Variants in SLC26A7 observed in about 807,000 individuals in gnomAD.
SLC26A7 encodes the protein solute carrier family 26 member 7, also known as anion exchange transporter.
SLC26A7 carries 59 observed loss-of-function variants against 82.5 expected under a neutral mutation model. The ratio of observed to expected loss-of-function variants is 0.72; its 90% confidence interval spans 0.58 to 0.89. SLC26A7 has a LOEUF of 0.89. SLC26A7 is among the 40% of genes least tolerant of loss of function. SLC26A7 has a pLI of 0.00. For synonymous variants in SLC26A7, 271 were observed against 274.3 expected (o/e 0.99, Z 0.12); for missense variants, 820 against 793.0 (o/e 1.03, Z -0.41).
chr8:91,386,004 C>A (rs1008986828), intron 15 of SLC26A7, among the ~76,000 whole-genome samples: 2 of 151,978 alleles, frequency 1.3e-5, no homozygotes, highest in Admixed American at 6.6e-5. Flanking sequence ...AGTTTTTGAT[C>A]AGCTAGTAGT....
At chr8:91,377,738 G>A (rs1814556275) in intron 15 of SLC26A7, among the ~76,000 whole-genome samples, 1 of 152,110 alleles carries the variant, frequency 6.6e-6, no homozygotes, top group Admixed American at 6.5e-5. Context: ...ACAGGGGTGA[G>A]GGGAACAGAG....
At chr8:91,210,553 A>G (rs1809891544) in intron 1 of SLC26A7, among the ~76,000 whole-genome samples, 1 of 99,792 alleles carries the variant, frequency 1.0e-5, no homozygotes, top group African/African-American at 3.9e-5. Flanking sequence ...ACAGACACAC[A>G]CACACACAGA....
chr8:91,250,097 T>C (rs1252877631), intron 2 of SLC26A7, among the ~76,000 whole-genome samples: 1 of 152,110 alleles, frequency 6.6e-6, no homozygotes, highest in Non-Finnish European at 1.5e-5. Context: ...ATTCACACTG[T>C]TTTAGAGTGA....
intron 11 of SLC26A7, among the ~76,000 whole-genome samples, chr8:91,353,726 C>T (rs546735154): frequency 6.6e-6 from 1 of 152,130 alleles, no homozygotes; most frequent in Admixed American, 6.6e-5. Context: ...ATCATTTTCT[C>T]TGAGAGGTTT....
chr8:91,243,072 C>A (rs1032198301), intron 2 of SLC26A7, among the ~76,000 whole-genome samples: 1 of 151,978 alleles, frequency 6.6e-6, no homozygotes, highest in Non-Finnish European at 1.5e-5. Context: ...TTTAATTGTG[C>A]GGTAATGTTT....
chr8:91,218,255 A>G (rs1007493774), intron 1 of SLC26A7, among the ~76,000 whole-genome samples: 2 of 152,214 alleles, frequency 1.3e-5, no homozygotes, highest in African/African-American at 4.8e-5. Context: ...TATAAAACAT[A>G]GAAATGGTAA....
chr8:91,357,493 A>G (rs76180328), intron 11 of SLC26A7, among the ~76,000 whole-genome samples: 4,489 of 152,246 alleles, frequency 0.029, 223 homozygotes, highest in African/African-American at 0.1. Flanking sequence ...CTGATATCCA[A>G]ATCTATACTT....
intron 2 of SLC26A7, among the ~76,000 whole-genome samples, chr8:91,265,534 T>A (rs1811087560): frequency 6.6e-6 from 1 of 152,146 alleles, no homozygotes; most frequent in African/African-American, 2.4e-5. Flanking sequence ...TCTTTCTGCA[T>A]CCTCACTAGC....
rs776120600 is a variant in SLC26A7 at position 91,363,531 on chromosome 8, T to G, written c.1481T>G (p.Met494Arg). The change falls in exon 13 of 19, where the codon ATG becomes AGG. Residue 494 changes from methionine to arginine, a missense_variant. Transcript: ENST00000276609. Reference protein sequence around the residue: ...KEMEFKVKTEMDSETLQQVKI... With the variant: ...KEMEFKVKTERDSETLQQVKI... ...ATGGAATTTAAAGTGAAGACAGAAA[T>G]GGACAGTGTAAGTTTAGTTTTATTT... 6 of 1,494,712 alleles carry G rather than the reference T, an allele frequency of 4.0e-6. No individual in the cohort carries two copies. The allele number at this position is 1,494,712 out of a possible 1,614,324, so 92.6% of individuals were successfully genotyped here.
At chr8:91,375,660 G>GT (rs111393337) in intron 15 of SLC26A7, among the ~76,000 whole-genome samples, 246 of 136,596 alleles carry the variant, frequency 1.8e-3, no homozygotes, top group Middle Eastern at 3.8e-3. Context: ...CCTTTAAGTT[G>GT]TTTTTTTTTT....
At chr8:91,310,469 C>G (rs1812450276) in intron 4 of SLC26A7, among the ~76,000 whole-genome samples, 1 of 152,040 alleles carries the variant, frequency 6.6e-6, no homozygotes, top group Admixed American at 6.6e-5. Context: ...GATGGTATCC[C>G]TCACTGAGGA....
At chr8:91,251,047 AT>A (rs5893167) in intron 2 of SLC26A7, among the ~76,000 whole-genome samples, 103,028 of 151,536 alleles carry the variant, frequency 0.68, 35,373 homozygotes, top group South Asian at 0.75. Context: ...TAAGTGATGA[AT>A]TTTTTTTTTA....
chr8:91,312,842 A>G (rs780586899), intron 4 of SLC26A7, among the ~76,000 whole-genome samples: 41 of 151,964 alleles, frequency 2.7e-4, no homozygotes, highest in Non-Finnish European at 5.4e-4. Context: ...TTTGAATCAG[A>G]TATTTGTTTT....
chr8:91,300,082 A>C (rs1812122584), intron 4 of SLC26A7, among the ~76,000 whole-genome samples: 1 of 152,206 alleles, frequency 6.6e-6, no homozygotes, highest in Non-Finnish European at 1.5e-5. Flanking sequence ...TGTTAAACTG[A>C]CATCTTTATG....
At chr8:91,339,279 T>TA (rs552827402) in intron 7 of SLC26A7, among the ~76,000 whole-genome samples, 190 of 148,138 alleles carry the variant, frequency 1.3e-3, no homozygotes, top group Non-Finnish European at 1.7e-3. Context: ...GGAGGTGGGT[T>TA]AAAAAAAAAA....
chr8:91,376,681 G>A (rs940040448), intron 15 of SLC26A7, among the ~76,000 whole-genome samples: 1 of 152,112 alleles, frequency 6.6e-6, no homozygotes, highest in Non-Finnish European at 1.5e-5. Context: ...GGGCAGTTCA[G>A]GCTCCAGTCC....
chr8:91,321,743 A>G (rs1375838043), intron 5 of SLC26A7, among the ~76,000 whole-genome samples: 1 of 152,128 alleles, frequency 6.6e-6, no homozygotes, highest in Non-Finnish European at 1.5e-5. Flanking sequence ...TTCTTTTAGT[A>G]TTATGGCTAG....
intron 2 of SLC26A7, among the ~76,000 whole-genome samples, chr8:91,242,801 A>C (rs1331797703): frequency 3.3e-5 from 5 of 152,220 alleles, no homozygotes; most frequent in Non-Finnish European, 7.3e-5. Context: ...GTGTTTTGTT[A>C]TAACGACCTC....
At chr8:91,385,906 C>G (rs1279376775) in intron 15 of SLC26A7, among the ~76,000 whole-genome samples, 6 of 152,082 alleles carry the variant, frequency 3.9e-5, no homozygotes, top group Non-Finnish European at 5.9e-5. Flanking sequence ...ATTTTCTAGT[C>G]AATTAAATGC....
Sources: allele counts gnomAD v4.1 joint callset (sites outside exome capture counted in the v4.1 genomes callset), GRCh38; gene constraint gnomAD v4.1.1; transcripts MANE v1.5; gene names NCBI Gene and HGNC (gene_info 2026-07-23, HGNC 2026-07-21).